The following PDXDC1 variants were observed in gnomAD, a reference collection of about 807,000 sequenced individuals.
The protein encoded by PDXDC1 is pyridoxal-dependent decarboxylase domain-containing protein 1.
In PDXDC1, 42 loss-of-function variants were observed where a neutral mutation model predicts 100.1. The observed-to-expected ratio is 0.42, with a 90% confidence interval of 0.33 to 0.54. PDXDC1 has a LOEUF of 0.54. Ranked by LOEUF, PDXDC1 falls within the 20% of genes least tolerant of loss-of-function variation. The probability of loss-of-function intolerance (pLI) is 0.10; values close to 1 mark genes in which losing one functional copy is unlikely to be tolerated. For synonymous variants in PDXDC1, 260 were observed against 371.7 expected, an observed-to-expected ratio of 0.70 and a Z score of 3.46; for missense variants, 636 against 979.2, an observed-to-expected ratio of 0.65 and a Z score of 4.68.
chr16:15,119,418 T>G (rs1407904490), intron 16 of PDXDC1, among the ~76,000 whole-genome samples: 1 of 134,732 alleles, frequency 7.4e-6, no homozygotes, highest in African/African-American at 2.7e-5. Flanking sequence ...ATTTTTTTTG[T>G]TTTTTTTTTT....
intron 16 of PDXDC1, chr16:15,127,372 T>C: frequency 1.1e-6 from 1 of 909,632 alleles, no homozygotes; most frequent in Non-Finnish European, 1.7e-6. Context: ...GTGGACGCCT[T>C]TCCCTCTGGC....
intron 9 of PDXDC1, among the ~76,000 whole-genome samples, chr16:15,016,543 C>G (rs2041811228): frequency 6.6e-6 from 1 of 152,422 alleles, no homozygotes; most frequent in Non-Finnish European, 1.5e-5. Flanking sequence ...TGCAGAAACT[C>G]CAGCCTTCTT....
At chr16:15,041,494 G>A, downstream of PDXDC1, 2 of 763,108 alleles carry the variant, frequency 2.6e-6, no homozygotes, top group East Asian at 2.5e-5. Flanking sequence ...CCCACCACAG[G>A]AAGAGCCGGA....
intron 16 of PDXDC1, chr16:15,056,199 C>G (rs1316489093): frequency 6.2e-6 from 1 of 162,100 alleles, no homozygotes; most frequent in Non-Finnish European, 1.3e-5. Context: ...TAGTCCAAAG[C>G]CAGGAAGTGG....
chr16:14,990,273 GGCCCCCGCCGCA>G (rs755326636), intron 1 of PDXDC1: 171 of 374,666 alleles, frequency 4.6e-4, no homozygotes, highest in Non-Finnish European at 6.0e-4. Flanking sequence ...CGCCCACCCC[GGCCCCCGCCGCA>G]ACCGCCGCAG....
chr16:15,125,133 T>C, intron 16 of PDXDC1: 1 of 424,596 alleles, frequency 2.4e-6, no homozygotes, highest in Non-Finnish European at 4.0e-6. Context: ...GGTGACAGAA[T>C]GGAATGAGAC....
intron 16 of PDXDC1, chr16:15,129,997 G>A: frequency 9.7e-7 from 1 of 1,036,144 alleles, no homozygotes. Context: ...GCTTGTGCAG[G>A]ATGGCGGCCA....
At chr16:15,038,724 T>C (rs761307753), downstream of PDXDC1, 36 of 1,179,826 alleles carry the variant, frequency 3.1e-5, no homozygotes, top group Non-Finnish European at 4.4e-5. Context: ...ATTTCAGGAA[T>C]GTCACCCACT....
chr16:15,145,597 GA>G, the PDXDC1 span, among the ~76,000 whole-genome samples: 1 of 152,382 alleles, frequency 6.6e-6, no homozygotes, highest in East Asian at 1.9e-4. Flanking sequence ...GCTGCAGGGA[GA>G]AAAGGACCCA....
At chr16:15,133,118 G>A (rs1051092383) in intron 16 of PDXDC1, 31 of 640,856 alleles carry the variant, frequency 4.8e-5, no homozygotes, top group South Asian at 2.4e-4. Flanking sequence ...TGCTGGGAGC[G>A]GAACGTCGGG....
intron 16 of PDXDC1, among the ~76,000 whole-genome samples, chr16:15,067,514 C>T (rs976078875): frequency 1.5e-5 from 2 of 136,516 alleles, no homozygotes; most frequent in Non-Finnish European, 3.2e-5. Flanking sequence ...AGCTACCAGA[C>T]CTGAGAGAAC....
chr16:15,040,164 G>C (rs2151687659), downstream of PDXDC1: 1 of 672,016 alleles, frequency 1.5e-6, no homozygotes, highest in Non-Finnish European at 2.6e-6. Flanking sequence ...GAGAAAGATA[G>C]GAAAGTGAAC....
chr16:15,091,520 A>C (rs965633178), intron 16 of PDXDC1: 51 of 636,556 alleles, frequency 8.0e-5, no homozygotes, highest in Non-Finnish European at 1.3e-4. Context: ...AATCATGACT[A>C]CAAAAATTTA....
downstream of PDXDC1, among the ~76,000 whole-genome samples, chr16:15,042,899 A>G (rs1474268803): frequency 4.9e-5 from 6 of 121,510 alleles, no homozygotes; most frequent in Non-Finnish European, 1.0e-4. Context: ...TGCCCAGCTA[A>G]TTTTTTTTTT....
rs1203541977 is a variant in PDXDC1, at chr16:15,127,589, G to A, written c.1400-11290G>A. 2.3e-5 allele frequency: 31 copies of A among 1,349,216 alleles called. 1 individual carries two copies. Among genetic ancestry groups the A allele is most frequent in the African/African-American group, 1.9e-4 (13 of 68,148 alleles). 83.6% of individuals were successfully genotyped at this position (1,349,216 alleles called of 1,614,324 possible). A position where few individuals can be genotyped will look rare whatever the true frequency, so the allele number is the denominator to read the frequency against. On this transcript the variant is annotated intron_variant, in intron 16 of 16. Coordinates refer to the PDXDC1 transcript ENST00000535621. ...CTCAGCGGGCTCAGCCTGGACACAT[G>A]CCCCGTGCTGTGTGGAGGAGAGGAG...
intron 8 of PDXDC1, among the ~76,000 whole-genome samples, chr16:15,013,547 G>A (rs1327058024): frequency 1.2e-4 from 19 of 152,306 alleles, no homozygotes; most frequent in East Asian, 3.9e-4. Flanking sequence ...TCATTGGACC[G>A]TATACTTACA....
chr16:15,129,377 T>A (rs1196659994), intron 16 of PDXDC1, among the ~76,000 whole-genome samples: 1 of 151,830 alleles, frequency 6.6e-6, no homozygotes, highest in Non-Finnish European at 1.5e-5. Flanking sequence ...AGCTGGAAGT[T>A]GCTGTGAGCC....
chr16:15,144,642 A>G, the PDXDC1 span, among the ~76,000 whole-genome samples: 1 of 152,206 alleles, frequency 6.6e-6, no homozygotes, highest in Admixed American at 6.5e-5. Flanking sequence ...GATCCCTCCC[A>G]TGGCTCAACT....
intron 16 of PDXDC1, among the ~76,000 whole-genome samples, chr16:15,054,549 G>A (rs2044424216): frequency 6.6e-6 from 1 of 152,204 alleles, no homozygotes; most frequent in African/African-American, 2.4e-5. Flanking sequence ...AGGATAAAGT[G>A]ACACGCCACC....
Sources: gnomAD v4.1 joint callset for allele counts (sites outside exome capture counted in the v4.1 genomes callset) on GRCh38, gnomAD v4.1.1 for gene constraint, MANE v1.5 for transcripts, NCBI Gene and HGNC (gene_info 2026-07-23, HGNC 2026-07-21) for gene names.